CLCN7: variants seen among roughly 807,000 people sequenced by gnomAD.
CLCN7 encodes H(+)/Cl(-) exchange transporter 7.
A neutral mutation model predicts 102.1 loss-of-function variants in CLCN7; 60 were observed. That is an observed-to-expected ratio of 0.59 (90% CI 0.48 to 0.73). The LOEUF (loss-of-function observed/expected upper bound fraction) is 0.73. CLCN7 is among the 30% of genes least tolerant of loss of function. The probability of loss-of-function intolerance (pLI) is 0.00; values close to 1 mark genes in which losing one functional copy is unlikely to be tolerated. For synonymous variants in CLCN7, 560 were observed against 490.5 expected (o/e 1.14, Z -1.87); for missense variants, 962 against 1,125.7 (o/e 0.85, Z 2.08).
At chr16:1,459,478 G>A (rs2038897948) in intron 6 of CLCN7, 1 of 378,080 alleles carries the variant, frequency 2.6e-6, no homozygotes, top group Non-Finnish European at 4.9e-6. Flanking sequence ...CGGGGCCTCA[G>A]GGAAGGGGAG....
At chr16:1,472,938 GTT>G (rs71391167) in intron 1 of CLCN7, among the ~76,000 whole-genome samples, 5 of 136,506 alleles carry the variant, frequency 3.7e-5, no homozygotes, top group African/African-American at 2.7e-5. Context: ...GGCTAATTTT[GTT>G]TTTTTTTTTT....
chr16:1,454,510 C>T, intron 12 of CLCN7, 45 bp from the exon 13 acceptor site: 1 of 1,559,102 alleles, frequency 6.4e-7, no homozygotes, highest in South Asian at 1.1e-5. Flanking sequence ...GGGAAAAGGC[C>T]CACAGCTCCT....
chr16:1,455,717 C>G lies in CLCN7; in HGVS notation c.981+14G>C. 2 of 1,613,524 alleles carry G rather than the reference C, an allele frequency of 1.2e-6. No homozygotes were observed. The highest frequency in any genetic ancestry group is 1.7e-6 in the Non-Finnish European group (2 of 1,179,732). ...TGCACCCTGATCAGGAGGCAGCCATCAGCAGGAACTTACGATCCTCCAGGT... is the reference window on the plus strand; with the variant it reads ...TGCACCCTGATCAGGAGGCAGCCATGAGCAGGAACTTACGATCCTCCAGGT... On this transcript the variant is annotated intron_variant, in intron 11 of 24. Coordinates refer to ENST00000382745, the MANE Select transcript of CLCN7 (RefSeq NM_001287.6).
chr16:1,448,546 G>A, intron 20 of CLCN7, 62 bp from the exon 21 acceptor site: 4 of 1,602,894 alleles, frequency 2.5e-6, no homozygotes, highest in Non-Finnish European at 3.4e-6. Flanking sequence ...AGTTACCTCT[G>A]CGGGCTGGTG....
intron 1 of CLCN7, among the ~76,000 whole-genome samples, chr16:1,469,567 T>A (rs1025193384): frequency 6.6e-6 from 1 of 151,964 alleles, no homozygotes; most frequent in Non-Finnish European, 1.5e-5. Context: ...GCGCCTGTAA[T>A]CCCAGCTACT....
chr16:1,465,000 A>C (rs1027249027), intron 2 of CLCN7, among the ~76,000 whole-genome samples: 1 of 151,696 alleles, frequency 6.6e-6, no homozygotes, highest in African/African-American at 2.4e-5. Context: ...CCCTGTCCCA[A>C]AGCCAGGTCC....
In CLCN7 at chr16:1,449,014, G is replaced by A; in HGVS notation, c.1749C>T (p.Ile583=). The part of the protein sequence containing the change: ...ATSNVTYGFP[I]MLVLMTAKIV... ...TCTTGGCGGTCATGAGCACCAGCAT[G>A]ATGGGGAAGCCGTAGGTCACGTTGC... Residue 583 remains isoleucine (I), a synonymous_variant, in exon 19 of 25, where the codon ATC becomes ATT. Coordinates refer to ENST00000382745, the MANE Select transcript of CLCN7 (RefSeq NM_001287.6). The A allele has an allele frequency of 6.2e-7, 1 of 1,612,840 alleles. No homozygotes were observed. The highest frequency in any genetic ancestry group is 1.6e-4 in the Middle Eastern group (1 of 6,062).
chr16:1,454,343 C>T, intron 13 of CLCN7, 68 bp downstream of exon 13: 2 of 1,527,760 alleles, frequency 1.3e-6, no homozygotes, highest in Admixed American at 1.7e-5. Context: ...CAGTCCTCGT[C>T]TCTATGGCCA....
intron 2 of CLCN7, among the ~76,000 whole-genome samples, chr16:1,463,371 C>T (rs140089097): frequency 6.6e-6 from 1 of 152,278 alleles, no homozygotes; most frequent in Non-Finnish European, 1.5e-5. Context: ...TGTGATGCAC[C>T]TGTGGTCCCA....
In CLCN7 at chr16:1,449,320, G is replaced by A. The variant is rs774920565; in HGVS notation, c.1625C>T (p.Ala542Val). 1.3e-5 allele frequency: 20 copies of A among 1,584,990 alleles called. No individual in the cohort carries two copies. Among genetic ancestry groups the A allele is most frequent in the Middle Eastern group, 1.7e-4 (1 of 6,010 alleles). ...LSYLTGAAIWADPGKYALMGA... is the reference protein window; with the variant it reads ...LSYLTGAAIWVDPGKYALMGA... ...CATCAGGGCGTATTTGCCGGGGTCC[G>A]CCCAGATCTGTGGGAGGTGACACGG... is the stretch of plus-strand genomic sequence containing the variant. The change falls in exon 18 of 25, where the codon GCG (alanine) becomes GTG (valine). Residue 542 changes from alanine to valine, a missense_variant. Physicochemically the swap from Ala to Val is moderately conservative, Grantham distance 64. Coordinates refer to ENST00000382745, the MANE Select transcript of CLCN7 (RefSeq NM_001287.6).
At chr16:1,455,413 T>C in intron 11 of CLCN7, 163 bp from the exon 12 acceptor site, 1 of 703,264 alleles carries the variant, frequency 1.4e-6, no homozygotes, top group Admixed American at 2.0e-5. Context: ...GTGGGCGCAC[T>C]GTGCGGGCAA....
rs892043021 is a variant in CLCN7 at position 1,452,676 on chromosome 16, C to G, written c.1353+79G>C. 8.8e-6 allele frequency: 13 copies of G among 1,480,822 alleles called. No homozygotes were observed. The African/African-American group carries it at 1.8e-4, about 21-fold the overall frequency. The allele number at this position is 1,480,822 out of a possible 1,614,324, so 91.7% of individuals were successfully genotyped here. A position where few individuals can be genotyped will look rare whatever the true frequency, so the allele number is the denominator to read the frequency against. On this transcript the variant is annotated intron_variant, in intron 15 of 24. Transcript: ENST00000382745. ...CTCGGCGGGGTGGGCAGCCCTCCTC[C>G]CGTAGCCTAAGCGAGCCTCCTGGAG...
rs367719812 is a variant in CLCN7 at position 1,461,498 on chromosome 16, C to T, written c.286-28G>A. 11 of 1,596,400 alleles carry T rather than the reference C, an allele frequency of 6.9e-6. No homozygotes were observed. In the African/African-American group the frequency reaches 1.5e-4, roughly 21 times the overall value. On this transcript the variant is annotated intron_variant, in intron 3 of 24. Coordinates refer to ENST00000382745, the MANE Select transcript of CLCN7 (RefSeq NM_001287.6). ...GCAGGCCGGGACAGCAAGGGCAGCA[C>T]TCAGCACCGAACCCACGCTCTGGGT...
intron 19 of CLCN7, 68 bp downstream of exon 19, chr16:1,448,898 C>T: frequency 6.2e-7 from 1 of 1,604,386 alleles, no homozygotes; most frequent in African/African-American, 1.3e-5. Flanking sequence ...TGTTTGGAGG[C>T]TCACAGGGGC....
intron 1 of CLCN7, among the ~76,000 whole-genome samples, chr16:1,471,122 G>T (rs1038552553): frequency 6.6e-6 from 1 of 152,168 alleles, no homozygotes; most frequent in Non-Finnish European, 1.5e-5. Context: ...CCTGAGAACA[G>T]GAACAGCAAC....
chr16:1,463,790 T>A (rs1189305754), intron 2 of CLCN7, among the ~76,000 whole-genome samples: 3 of 144,652 alleles, frequency 2.1e-5, no homozygotes, highest in Admixed American at 1.4e-4. Flanking sequence ...AAAAAAAAAA[T>A]TTGAGGCAGG....
At chr16:1,451,105 G>C (rs536655804) in intron 16 of CLCN7, among the ~76,000 whole-genome samples, 15 of 152,236 alleles carry the variant, frequency 9.9e-5, no homozygotes, top group African/African-American at 1.9e-4. Flanking sequence ...CACAACTGCA[G>C]AGGTGAAAGG....
rs757940783 is a variant in CLCN7, at chr16:1,450,690, G to A, written c.1448-24C>T. On this transcript the variant is annotated intron_variant, in intron 16 of 24. Coordinates refer to ENST00000382745, the MANE Select transcript of CLCN7 (RefSeq NM_001287.6). ...GCCTAGGAGAGAAGAGGGGCTGACGGGGCCTCCACGACTCCCGCCTCCGCA... is the reference window on the plus strand; with the variant it reads ...GCCTAGGAGAGAAGAGGGGCTGACGAGGCCTCCACGACTCCCGCCTCCGCA... The A allele has an allele frequency of 5.2e-6, 8 of 1,530,666 alleles. No homozygotes were observed. The South Asian group carries it at 5.8e-5, about 11-fold the overall frequency. 94.8% of individuals were successfully genotyped at this position (1,530,666 alleles called of 1,614,324 possible). A position where few individuals can be genotyped will look rare whatever the true frequency, so the allele number is the denominator to read the frequency against.
Position 1,457,134 on chromosome 16 carries a change from G to T in CLCN7, c.822+120C>A. The T allele has an allele frequency of 1.0e-6, 1 of 963,910 alleles. No homozygotes were observed. The highest frequency in any genetic ancestry group is 1.7e-6 in the Non-Finnish European group (1 of 603,484). 59.7% of individuals were successfully genotyped at this position (963,910 alleles called of 1,614,324 possible). On this transcript the variant is annotated intron_variant, in intron 9 of 24. Coordinates refer to ENST00000382745, the MANE Select transcript of CLCN7 (RefSeq NM_001287.6). The surrounding 1 kb of genome is among the most constrained non-coding windows in gnomAD (Gnocchi z 5.4). Reference sequence around the variant, plus strand: ...GGCTCTGGGAGCCACCCGCCAGGCTGTCCTCAGATGGGGCTGGGGCTCTCG... The same window carrying T: ...GGCTCTGGGAGCCACCCGCCAGGCTTTCCTCAGATGGGGCTGGGGCTCTCG...
Sources: allele counts gnomAD v4.1 joint callset (sites outside exome capture counted in the v4.1 genomes callset), GRCh38; gene constraint gnomAD v4.1.1; non-coding constraint Gnocchi (gnomAD v3.1); transcripts MANE v1.5; gene names NCBI Gene and HGNC (gene_info 2026-07-23, HGNC 2026-07-21).